The following TRMT11 variants were observed in gnomAD, a reference collection of about 807,000 sequenced individuals.
TRMT11 encodes the protein tRNA (guanine(10)-N(2))-methyltransferase TRMT11.
Under a neutral mutation model 62.8 loss-of-function variants are expected in TRMT11, and 53 were observed. The ratio of observed to expected loss-of-function variants is 0.84; its 90% CI spans 0.68 to 1.06. The LOEUF (loss-of-function observed/expected upper bound fraction) is 1.06, where lower values mean the gene tolerates loss of function less well. Among genes scored for constraint, TRMT11 ranks in the 50% least tolerant of loss-of-function variants. The pLI is 0.00. For missense variants in TRMT11, 556 were observed against 553.4 expected (o/e 1.00, Z -0.05); for synonymous variants, 188 against 190.3 (o/e 0.99, Z 0.10).
the TRMT11 span, among the ~76,000 whole-genome samples, chr6:126,259,868 A>G: frequency 7.3e-3 from 1,110 of 152,256 alleles, 8 homozygotes; most frequent in Non-Finnish European, 0.01. Flanking sequence ...CTATTTTATC[A>G]TATATAAATA....
the TRMT11 span, among the ~76,000 whole-genome samples, chr6:126,263,586 A>C: frequency 6.6e-6 from 1 of 152,226 alleles, no homozygotes; most frequent in Non-Finnish European, 1.5e-5. Context: ...AAGGGCTAAT[A>C]TTGGACAAAA....
chr6:125,991,106 TGTG>T (rs1227654798), intron 1 of TRMT11, among the ~76,000 whole-genome samples: 2 of 151,674 alleles, frequency 1.3e-5, no homozygotes, highest in Admixed American at 6.6e-5. Context: ...ATTAGCCAGA[TGTG>T]GTGGTGTGCG....
At chr6:125,987,582 T>C (rs1297088404) in intron 1 of TRMT11, among the ~76,000 whole-genome samples, 1 of 152,104 alleles carries the variant, frequency 6.6e-6, no homozygotes, top group Non-Finnish European at 1.5e-5. Flanking sequence ...AGAATAAGAC[T>C]TGAGCCAGAG....
chr6:126,175,310 G>A (rs1411360589), upstream of TRMT11, among the ~76,000 whole-genome samples: 1 of 152,070 alleles, frequency 6.6e-6, no homozygotes, highest in East Asian at 1.9e-4. Flanking sequence ...GACACACTTG[G>A]CCCTTTTCTG....
chr6:126,151,568 G>A (rs1778038605), intron 21 of TRMT11, among the ~76,000 whole-genome samples: 1 of 152,090 alleles, frequency 6.6e-6, no homozygotes, highest in African/African-American at 2.4e-5. Flanking sequence ...GTTAACTTAG[G>A]TCAGACCTGA....
intron 21 of TRMT11, among the ~76,000 whole-genome samples, chr6:126,131,783 CATTG>C (rs1168229305): frequency 6.6e-6 from 1 of 151,906 alleles, no homozygotes; most frequent in Non-Finnish European, 1.5e-5. Flanking sequence ...AATTTTAAAA[CATTG>C]ATTATCTTTT....
the TRMT11 span, among the ~76,000 whole-genome samples, chr6:126,237,380 AAATTT>A: frequency 6.6e-6 from 1 of 152,140 alleles, no homozygotes; most frequent in Non-Finnish European, 1.5e-5. Flanking sequence ...AGATTATCTT[AAATTT>A]AAAAAGTGTC....
At chr6:126,202,284 T>C (rs1778741300), downstream of TRMT11, 1 of 152,192 alleles carries the variant, frequency 6.6e-6, no homozygotes, top group Non-Finnish European at 1.5e-5. Flanking sequence ...CATAAACATA[T>C]TTTCTGTGTT....
At chr6:126,023,416 G>T (rs561022705) in intron 12 of TRMT11, among the ~76,000 whole-genome samples, 2 of 152,294 alleles carry the variant, frequency 1.3e-5, no homozygotes, top group South Asian at 2.1e-4. Flanking sequence ...TTGGGAGGCC[G>T]AGGTGGGCAG....
chr6:126,186,093 T>A (rs1483355425), intron 1 of TRMT11, among the ~76,000 whole-genome samples: 1 of 152,206 alleles, frequency 6.6e-6, no homozygotes, highest in Non-Finnish European at 1.5e-5. Context: ...AAATGCTTTA[T>A]TTCCAAAGCT....
rs147724237 is a variant in TRMT11, at chr6:126,058,561, C to T, written c.*1437+5371C>T. The stretch of plus-strand genomic sequence containing the variant: ...CTTCCACGATGGTTGAACTAATTTA[C>T]ACTCCTACCAACAGTGTAAGAACTG... On this transcript the variant is annotated intron_variant and NMD_transcript_variant, in intron 17 of 22. Coordinates refer to the TRMT11 transcript ENST00000648977. Among the ~76,000 whole-genome samples the T allele has an allele frequency of 1.2e-4, 19 of 152,288 alleles. 1 individual carries two copies. The East Asian group carries it at 3.5e-3, about 28-fold the overall frequency.
chr6:126,190,609 C>T (rs1778587364), intron 1 of TRMT11, among the ~76,000 whole-genome samples: 1 of 152,060 alleles, frequency 6.6e-6, no homozygotes, highest in African/African-American at 2.4e-5. Context: ...ATACACCTTC[C>T]CAGCCTCTGT....
rs140369422 is a variant in TRMT11 at position 126,062,808 on chromosome 6, G to A, written c.*1437+9618G>A. On this transcript the variant is annotated intron_variant and NMD_transcript_variant, in intron 17 of 22. Transcript: ENST00000648977. ...GTGAATGTAAAGGACTGAAGCTGATGTAAATTTGCTAAATGAATAAATAAT... is the reference window on the plus strand; with the variant it reads ...GTGAATGTAAAGGACTGAAGCTGATATAAATTTGCTAAATGAATAAATAAT... Among the ~76,000 whole-genome samples the A allele has an allele frequency of 1.5e-3, 236 of 152,272 alleles. 1 individual carries two copies. Among genetic ancestry groups the A allele is most frequent in the Non-Finnish European group, 2.4e-3 (164 of 68,010 alleles).
chr6:126,191,620 G>A (rs1778601644), intron 1 of TRMT11, among the ~76,000 whole-genome samples: 1 of 151,614 alleles, frequency 6.6e-6, no homozygotes, highest in Non-Finnish European at 1.5e-5. Flanking sequence ...GTTGATTTTT[G>A]TATATTGTAT....
chr6:126,213,917 T>C, the TRMT11 span, among the ~76,000 whole-genome samples: 2 of 152,078 alleles, frequency 1.3e-5, no homozygotes, highest in African/African-American at 4.8e-5. Flanking sequence ...TTGACTTATG[T>C]TCCTTCTCAG....
intron 17 of TRMT11, among the ~76,000 whole-genome samples, chr6:126,084,237 A>G (rs968876777): frequency 3.9e-5 from 6 of 151,984 alleles, no homozygotes; most frequent in African/African-American, 1.4e-4. Flanking sequence ...CTTTTTTCCA[A>G]ACCCTCACCA....
intron 8 of TRMT11, among the ~76,000 whole-genome samples, chr6:126,009,641 A>G (rs1793890250): frequency 6.6e-6 from 1 of 151,930 alleles, no homozygotes. Flanking sequence ...CTTTTTCCCT[A>G]CCTTGACTGT....
chr6:126,192,541 C>G (rs1053902788), intron 1 of TRMT11, among the ~76,000 whole-genome samples: 134 of 152,214 alleles, frequency 8.8e-4, no homozygotes, highest in African/African-American at 3.1e-3. Flanking sequence ...AAAAGGCTCT[C>G]AGTTTTTCCC....
chr6:126,261,974 T>A, the TRMT11 span, among the ~76,000 whole-genome samples: 2 of 152,184 alleles, frequency 1.3e-5, no homozygotes, highest in African/African-American at 4.8e-5. Flanking sequence ...AGACAAGCTA[T>A]TGTGCCAGGC....
Sources: allele counts gnomAD v4.1 joint callset (sites outside exome capture counted in the v4.1 genomes callset), GRCh38; gene constraint gnomAD v4.1.1; transcripts MANE v1.5; gene names NCBI Gene and HGNC (gene_info 2026-07-23, HGNC 2026-07-21).